SPATA22: variants seen among roughly 807,000 people sequenced by gnomAD.
SPATA22 encodes the protein spermatogenesis-associated protein 22.
Under a neutral mutation model 47.8 loss-of-function variants are expected in SPATA22, and 29 were observed. The observed-to-expected ratio is 0.61, with a 90% confidence interval of 0.45 to 0.83. The LOEUF (loss-of-function observed/expected upper bound fraction) is 0.83, where lower values mean the gene tolerates loss of function less well. Among genes scored for constraint, SPATA22 ranks in the 40% least tolerant of loss-of-function variants. The probability of loss-of-function intolerance (pLI) is 0.00; values close to 1 mark genes in which losing one functional copy is unlikely to be tolerated. For missense variants in SPATA22, 410 were observed against 421.7 expected, an observed-to-expected ratio of 0.97 and a Z score of 0.24; for synonymous variants, 133 against 140.9, an observed-to-expected ratio of 0.94 and a Z score of 0.40.
intron 1 of SPATA22, among the ~76,000 whole-genome samples, chr17:3,483,144 G>C (rs1395717706): frequency 6.6e-6 from 1 of 151,816 alleles, no homozygotes; most frequent in Non-Finnish European, 1.5e-5. Context: ...TTGTTTAAGA[G>C]ACCAATACCA....
intron 5 of SPATA22, among the ~76,000 whole-genome samples, chr17:3,453,195 G>C (rs1233808186): frequency 6.6e-6 from 1 of 152,100 alleles, no homozygotes; most frequent in Non-Finnish European, 1.5e-5. Flanking sequence ...TCACTTCATG[G>C]GTGAGGTGAC....
intron 3 of SPATA22, among the ~76,000 whole-genome samples, chr17:3,464,444 G>C (rs1057126620): frequency 2.2e-5 from 3 of 134,524 alleles, no homozygotes; most frequent in African/African-American, 5.5e-5. Flanking sequence ...GCCGCCCATC[G>C]TCTGGGATGT....
intron 1 of SPATA22, among the ~76,000 whole-genome samples, chr17:3,493,662 T>C (rs543052368): frequency 1.3e-5 from 2 of 150,036 alleles, no homozygotes; most frequent in East Asian, 2.0e-4. Flanking sequence ...TAAAACATCA[T>C]AGCTGGAAGG....
chr17:3,480,722 G>C (rs1232180186), intron 1 of SPATA22, among the ~76,000 whole-genome samples: 1 of 152,188 alleles, frequency 6.6e-6, no homozygotes. Flanking sequence ...AGGTAGGAAG[G>C]GGGCTTGTTT....
intron 1 of SPATA22, among the ~76,000 whole-genome samples, chr17:3,505,164 A>G (rs1246238730): frequency 6.6e-6 from 1 of 152,102 alleles, no homozygotes; most frequent in Non-Finnish European, 1.5e-5. Context: ...ACTCTTAAAC[A>G]TGACTCAGGC....
At chr17:3,471,652 C>A in intron 1 of SPATA22, 30 bp downstream of exon 1, 1 of 984,874 alleles carries the variant, frequency 1.0e-6, no homozygotes, top group South Asian at 4.7e-5. Flanking sequence ...GACCCGCCCA[C>A]GGAGTGGGGG....
Position 3,489,314 on chromosome 17 carries a change from T to A in SPATA22, c.-73-19916A>T, listed in dbSNP as rs1567614696. 1.9e-6 allele frequency: 3 copies of A among 1,612,744 alleles called. No homozygotes were observed. The highest frequency in any genetic ancestry group is 1.3e-5 in the African/African-American group (1 of 75,002). On this transcript the variant is annotated intron_variant, in intron 1 of 8. Transcript: ENST00000541913. ...AAATGAGAAAAATGATTAAACATGC[T>A]CTTGATTTTATACATCATTTCAATG...
At chr17:3,452,473 T>C (rs2072885685) in intron 5 of SPATA22, among the ~76,000 whole-genome samples, 1 of 151,768 alleles carries the variant, frequency 6.6e-6, no homozygotes, top group Non-Finnish European at 1.5e-5. Flanking sequence ...AGGCCTGTAG[T>C]CCCAGCTACT....
rs2072565833 is a variant in SPATA22, at chr17:3,440,198, T to A, written c.1041A>T (p.Lys347Asn). ...AATACTGCATCTCAACATCTGCAAT[T>A]TTGACAAATGCCTGGAAAGTTTTTT... Reference protein sequence around the residue: ...SEQKTFQAFVKIADVEMQYYI... With the variant: ...SEQKTFQAFVNIADVEMQYYI... Residue 347 changes from lysine (K) to asparagine (N), a missense_variant, in exon 9 of 9, where the codon AAA becomes AAT. Coordinates refer to ENST00000572969, the MANE Select transcript of SPATA22 (RefSeq NM_001170698.2). 2 of 1,609,760 alleles carry A rather than the reference T, an allele frequency of 1.2e-6. No homozygotes were observed. Among genetic ancestry groups the A allele is most frequent in the Non-Finnish European group, 1.7e-6 (2 of 1,178,254 alleles).
rs201207524 is a variant in SPATA22 at position 3,446,564 on chromosome 17, G to C, written c.710C>G (p.Ala237Gly). The C allele has an allele frequency of 1.9e-6, 3 of 1,597,970 alleles. No homozygotes were observed. Among genetic ancestry groups the C allele is most frequent in the Non-Finnish European group, 2.6e-6 (3 of 1,168,862 alleles). Residue 237 changes from alanine (A) to glycine (G), a missense_variant, in exon 7 of 9, where the codon GCT becomes GGT. Physicochemically the swap from Ala to Gly is moderately conservative, Grantham distance 60. Transcript: ENST00000572969. ...TGCAGAAATAATTCTTAAAGAACTA[G>C]CTTTTTCCTTAAACTGTAACTGATA... is the stretch of plus-strand genomic sequence containing the variant. ...SLYQLQFKEK[A>G]SSLRIISAVI... is the part of the protein sequence containing the mutation.
In SPATA22 at chr17:3,446,578, C is replaced by T; in HGVS notation, c.696G>A (p.Gln232=). The change falls in exon 7 of 9, where the codon CAG becomes CAA. Residue 232 remains glutamine (Q), a synonymous_variant. Transcript: ENST00000572969. ...TTAAAGAACTAGCTTTTTCCTTAAA[C>T]TGTAACTGATACAATGAGGTTTCCT... The part of the protein sequence containing the change: ...TLKETSLYQL[Q]FKEKASSLRI... 1 of 1,582,884 alleles carries T rather than the reference C, an allele frequency of 6.3e-7. No individual in the cohort carries two copies. The highest frequency in any genetic ancestry group is 8.6e-7 in the Non-Finnish European group (1 of 1,160,056).
chr17:3,447,011 A>G (rs911498285), intron 6 of SPATA22, among the ~76,000 whole-genome samples: 1 of 152,154 alleles, frequency 6.6e-6, no homozygotes, highest in Admixed American at 6.6e-5. Flanking sequence ...CACCTACTAC[A>G]TGCCAAACAT....
intron 1 of SPATA22, chr17:3,494,295 C>T (rs1403007022): frequency 1.4e-6 from 2 of 1,382,572 alleles, no homozygotes; most frequent in South Asian, 1.2e-5. Flanking sequence ...TGAGCCACCA[C>T]ACCCGGCCCA....
chr17:3,484,003 T>C (rs1446264148), intron 1 of SPATA22, among the ~76,000 whole-genome samples: 1 of 152,162 alleles, frequency 6.6e-6, no homozygotes, highest in Non-Finnish European at 1.5e-5. Context: ...TCCATATCCT[T>C]AGGCTTATAA....
At chr17:3,513,545 C>A in exon 1 of SPATA22, 1 of 187,240 alleles carries the variant, frequency 5.3e-6, no homozygotes. Context: ...GGAGGAAAGA[C>A]TCCTCTCCCT....
In SPATA22 at chr17:3,505,203, C is replaced by T. The variant is rs890678129; in HGVS notation, c.-74+8209G>A. ...GTTAGGCCACTCTGTTATACAAGCTCATTGCCAGTACTAGACTGGCACTTA... is the reference window on the plus strand; with the variant it reads ...GTTAGGCCACTCTGTTATACAAGCTTATTGCCAGTACTAGACTGGCACTTA... On this transcript the variant is annotated intron_variant, in intron 1 of 8. Transcript: ENST00000541913. 5.3e-5 allele frequency among the ~76,000 whole-genome samples: 8 copies of T among 152,206 alleles called. No individual in the cohort carries two copies. The South Asian group carries it at 6.2e-4, about 12-fold the overall frequency.
Position 3,443,237 on chromosome 17 carries a change from A to G in SPATA22, c.837T>C (p.Tyr279=), listed in dbSNP as rs745356439. 8 of 1,610,984 alleles carry G rather than the reference A, an allele frequency of 5.0e-6. No homozygotes were observed. In the African/African-American group the frequency reaches 1.1e-4, roughly 22 times the overall value. ...CCCTCATAAGAAAAGTCTTCGAATA[A>G]TATGGGCCAGGTGTAACAGCTGAAT... ...VLDSAVTPGP[Y]YSKTFLMRDG... Residue 279 remains tyrosine (Y), a synonymous_variant, in exon 8 of 9, where the codon TAT becomes TAC. Transcript: ENST00000572969.
At chr17:3,466,686 T>G (rs745314009) in intron 3 of SPATA22, among the ~76,000 whole-genome samples, 85 of 152,364 alleles carry the variant, frequency 5.6e-4, no homozygotes, top group Non-Finnish European at 1.1e-3. Flanking sequence ...ACGGGTTATT[T>G]ACAAATATGA....
chr17:3,493,053 T>G (rs1221356487), intron 1 of SPATA22, among the ~76,000 whole-genome samples: 1 of 152,208 alleles, frequency 6.6e-6, no homozygotes, highest in African/African-American at 2.4e-5. Context: ...TCCTTTGAGT[T>G]GTGACCATAA....
Sources: allele counts gnomAD v4.1 joint callset (sites outside exome capture counted in the v4.1 genomes callset), GRCh38; gene constraint gnomAD v4.1.1; transcripts MANE v1.5; gene names NCBI Gene and HGNC (gene_info 2026-07-23, HGNC 2026-07-21).